Variants in ANO3 observed in about 807,000 individuals in gnomAD.
ANO3 encodes the protein anoctamin-3.
ANO3 carries 99 observed loss-of-function variants against 144.8 expected under a neutral mutation model. That is an observed-to-expected ratio of 0.68 (90% confidence interval 0.58 to 0.81). ANO3 has a LOEUF of 0.81. ANO3 is among the 30% of genes least tolerant of loss of function. The pLI, the probability that ANO3 is intolerant of heterozygous loss-of-function variation, is 0.00. For synonymous variants in ANO3, 414 were observed against 392.6 expected (o/e 1.05, Z -0.64); for missense variants, 905 against 1,202.2 (o/e 0.75, Z 3.66).
At chr11:26,237,655 T>G (rs1387169171) in intron 1 of ANO3, among the ~76,000 whole-genome samples, 1 of 152,056 alleles carries the variant, frequency 6.6e-6, no homozygotes, top group African/African-American at 2.4e-5. Flanking sequence ...GATCTTATAA[T>G]GGAAGTGAAG....
chr11:26,519,270 G>C (rs529889706), intron 6 of ANO3, among the ~76,000 whole-genome samples: 1 of 152,278 alleles, frequency 6.6e-6, no homozygotes, highest in South Asian at 2.1e-4. Flanking sequence ...CTCAAAGAGA[G>C]AGCATGTCTT....
chr11:26,593,485 C>T lies in ANO3; in HGVS notation c.1448-4880C>T, dbSNP rs568959959. On this transcript the variant is annotated intron_variant, in intron 14 of 26. Coordinates refer to ENST00000256737, the MANE Select transcript of ANO3 (RefSeq NM_031418.4). ...CAGGACAGTAAGACTAAGAAGGCCGCGCCAGTGTCCTGGGGACAGTTAAAC... is the reference window on the plus strand; with the variant it reads ...CAGGACAGTAAGACTAAGAAGGCCGTGCCAGTGTCCTGGGGACAGTTAAAC... 6.2e-4 allele frequency among the ~76,000 whole-genome samples: 95 copies of T among 152,220 alleles called. 1 individual carries two copies. The highest frequency in any genetic ancestry group is 2.0e-3 in the African/African-American group (84 of 41,530).
chr11:26,563,173 T>C (rs1850363122), intron 14 of ANO3: 6 of 1,612,564 alleles, frequency 3.7e-6, no homozygotes, highest in Non-Finnish European at 5.1e-6. Flanking sequence ...GTTTTCCTTT[T>C]TCCACACAAC....
chr11:26,523,639 T>G (rs935454677), intron 6 of ANO3, among the ~76,000 whole-genome samples: 2 of 152,250 alleles, frequency 1.3e-5, no homozygotes, highest in Non-Finnish European at 2.9e-5. Context: ...TCTTTCGTTT[T>G]CAACAGGGAG....
rs1853916173 is a variant in ANO3 at position 26,662,748 on chromosome 11, G to C, written c.*2304G>C. Reference sequence around the variant, plus strand: ...AAAACAGAAAAAGAAAAAATTGTCTGAAATGTTTATTTTGCAAAACAGTGC... The same window carrying C: ...AAAACAGAAAAAGAAAAAATTGTCTCAAATGTTTATTTTGCAAAACAGTGC... On this transcript the variant is annotated 3_prime_UTR_variant, in exon 27 of 27. Coordinates refer to ENST00000256737, the MANE Select transcript of ANO3 (RefSeq NM_031418.4). The C allele has an allele frequency of 6.6e-6, 1 of 151,854 alleles. No homozygotes were observed. The highest frequency in any genetic ancestry group is 1.5e-5 in the Non-Finnish European group (1 of 67,934). The allele number at this position is 151,854 out of a possible 1,614,324, so 9.4% of individuals were successfully genotyped here.
At chr11:26,599,469 A>G (rs1851731000) in intron 16 of ANO3, 81 bp from the exon 17 acceptor site, 1 of 1,348,672 alleles carries the variant, frequency 7.4e-7, no homozygotes, top group Admixed American at 1.9e-5. Flanking sequence ...TCTTGGGGAC[A>G]GTAGATTTGA....
chr11:26,270,904 G>C (rs1853424741), intron 1 of ANO3, among the ~76,000 whole-genome samples: 1 of 152,132 alleles, frequency 6.6e-6, no homozygotes, highest in African/African-American at 2.4e-5. Context: ...ATCAGCTGGA[G>C]GATAAAAGAA....
At chr11:26,508,357 T>A in intron 5 of ANO3, 95 bp downstream of exon 5, 1 of 1,130,982 alleles carries the variant, frequency 8.8e-7, no homozygotes, top group Non-Finnish European at 1.2e-6. Flanking sequence ...TCACATGACT[T>A]TATAAAATAC....
At chr11:26,273,688 GA>G (rs2133838308) in intron 1 of ANO3, among the ~76,000 whole-genome samples, 1 of 151,120 alleles carries the variant, frequency 6.6e-6, no homozygotes, top group African/African-American at 2.4e-5. Flanking sequence ...TCTGTCGGGG[GA>G]AGGTAAAGGA....
chr11:26,423,292 CTGTATA>C (rs1392458273), intron 1 of ANO3, among the ~76,000 whole-genome samples: 1 of 142,622 alleles, frequency 7.0e-6, no homozygotes, highest in Admixed American at 7.4e-5. Flanking sequence ...TTATAATACC[CTGTATA>C]TACCTTTATA....
intron 1 of ANO3, among the ~76,000 whole-genome samples, chr11:26,347,425 G>A: frequency 6.6e-6 from 1 of 152,220 alleles, no homozygotes; most frequent in East Asian, 1.9e-4. Flanking sequence ...AAGCAGGGAA[G>A]GTGACTATCT....
chr11:26,250,079 C>T (rs144172609), intron 1 of ANO3, among the ~76,000 whole-genome samples: 1,606 of 152,312 alleles, frequency 0.011, 13 homozygotes, highest in South Asian at 0.018. Flanking sequence ...CATAGCCCTA[C>T]ATAACTACAA....
rs747612566 is a variant in ANO3, at chr11:26,660,463, TA to T, written c.*20del. 45 of 1,582,290 alleles carry T rather than the reference TA, an allele frequency of 2.8e-5. No homozygotes were observed. Among genetic ancestry groups the T allele is most frequent in the African/African-American group, 4.1e-5 (3 of 73,528 alleles). ...GCCTTAGTTGACACCTGTTACCCAT[TA>T]GGGGTGATAACATTAATGGGAAGAA... On this transcript the variant is annotated 3_prime_UTR_variant, in exon 27 of 27. Coordinates refer to ENST00000256737, the MANE Select transcript of ANO3 (RefSeq NM_031418.4).
chr11:26,341,609 G>GTA (rs1235170775), intron 1 of ANO3, among the ~76,000 whole-genome samples: 1 of 152,200 alleles, frequency 6.6e-6, no homozygotes, highest in South Asian at 2.1e-4. Flanking sequence ...GGATAGATGT[G>GTA]TATATGAAAA....
At chr11:26,480,061 A>G (rs944500322) in intron 4 of ANO3, among the ~76,000 whole-genome samples, 2 of 152,208 alleles carry the variant, frequency 1.3e-5, no homozygotes, top group African/African-American at 4.8e-5. Context: ...CAAGAGGCAT[A>G]CCTGGCTACA....
At chr11:26,388,182 T>C (rs12294604) in intron 1 of ANO3, among the ~76,000 whole-genome samples, 40,040 of 151,160 alleles carry the variant, frequency 0.26, 5,949 homozygotes, top group African/African-American at 0.4. Flanking sequence ...CAAAATTATA[T>C]TTATGGTCTA....
chr11:26,252,311 A>C (rs541462327), intron 1 of ANO3, among the ~76,000 whole-genome samples: 13 of 152,328 alleles, frequency 8.5e-5, no homozygotes, highest in African/African-American at 3.1e-4. Flanking sequence ...CAAAGCCATG[A>C]ATTCTTGTAT....
At chr11:26,345,672 T>TC (rs1855480742) in intron 1 of ANO3, among the ~76,000 whole-genome samples, 1 of 152,244 alleles carries the variant, frequency 6.6e-6, no homozygotes, top group Admixed American at 6.5e-5. Flanking sequence ...CTAAATATAT[T>TC]CTTCAATTTC....
At chr11:26,446,478 T>C (rs903154) in intron 3 of ANO3, among the ~76,000 whole-genome samples, 133,278 of 152,258 alleles carry the variant, frequency 0.88, 58,862 homozygotes, top group East Asian at 1. Context: ...CAGTGTTTCA[T>C]TGAGGATTGA....
Sources: allele counts gnomAD v4.1 joint callset (sites outside exome capture counted in the v4.1 genomes callset), GRCh38; gene constraint gnomAD v4.1.1; transcripts MANE v1.5; gene names NCBI Gene and HGNC (gene_info 2026-07-23, HGNC 2026-07-21).